ALK: variants seen among roughly 807,000 people sequenced by gnomAD.
ALK encodes the protein ALK receptor tyrosine kinase.
In ALK, 74 loss-of-function variants were observed where a neutral mutation model predicts 163.1. The ratio of observed to expected loss-of-function variants is 0.45; its 90% CI spans 0.38 to 0.55. The LOEUF (loss-of-function observed/expected upper bound fraction) is 0.55. Among genes scored for constraint, ALK ranks in the 20% least tolerant of loss-of-function variants. The probability of loss-of-function intolerance (pLI) is 0.00; values close to 1 mark genes in which losing one functional copy is unlikely to be tolerated. For missense variants in ALK, 2,063 were observed against 2,105.3 expected (o/e 0.98, Z 0.39); for synonymous variants, 960 against 843.2 (o/e 1.14, Z -2.40).
At chr2:29,903,455 C>T (rs1423431113) in intron 1 of ALK, among the ~76,000 whole-genome samples, 1 of 152,134 alleles carries the variant, frequency 6.6e-6, no homozygotes, top group Non-Finnish European at 1.5e-5. Context: ...ATGAGTCAAA[C>T]ACTCCCTTGT....
chr2:29,489,751 G>C (rs1427533841), intron 4 of ALK, among the ~76,000 whole-genome samples: 4 of 152,240 alleles, frequency 2.6e-5, no homozygotes, highest in African/African-American at 7.2e-5. Context: ...CTATTCTAGG[G>C]ATGAAGAGCT....
At chr2:29,338,240 C>A (rs1667683941) in intron 5 of ALK, among the ~76,000 whole-genome samples, 1 of 152,136 alleles carries the variant, frequency 6.6e-6, no homozygotes, top group African/African-American at 2.4e-5. Flanking sequence ...AGAGTCATTT[C>A]CAACATAAAT....
intron 3 of ALK, among the ~76,000 whole-genome samples, chr2:29,581,634 C>T (rs559255979): frequency 4.6e-5 from 7 of 152,244 alleles, no homozygotes; most frequent in South Asian, 2.1e-4. Flanking sequence ...CTGTATTGCC[C>T]GTCTTGGCTA....
intron 3 of ALK, among the ~76,000 whole-genome samples, chr2:29,560,461 C>T (rs766693544): frequency 2.6e-5 from 4 of 152,150 alleles, no homozygotes; most frequent in Non-Finnish European, 4.4e-5. Context: ...GAGCCGAAGG[C>T]CTTTTTTTGG....
At chr2:29,589,461 TAC>T (rs1185321330) in intron 3 of ALK, among the ~76,000 whole-genome samples, 1 of 152,154 alleles carries the variant, frequency 6.6e-6, no homozygotes, top group Non-Finnish European at 1.5e-5. Flanking sequence ...CCTGAGTTTG[TAC>T]AGTGATGAAA....
intron 5 of ALK, among the ~76,000 whole-genome samples, chr2:29,371,342 T>C (rs796784964): frequency 5.9e-5 from 9 of 152,398 alleles, no homozygotes; most frequent in African/African-American, 1.9e-4. Flanking sequence ...ACTCCTAGGC[T>C]ATGCCCCTCG....
chr2:29,823,912 G>A (rs1192958331), intron 1 of ALK, among the ~76,000 whole-genome samples: 1 of 152,226 alleles, frequency 6.6e-6, no homozygotes, highest in Non-Finnish European at 1.5e-5. Flanking sequence ...TGGGGAAAAT[G>A]TCTCCAGGGC....
chr2:29,530,287 C>T (rs1673088320), intron 4 of ALK, among the ~76,000 whole-genome samples: 3 of 152,102 alleles, frequency 2.0e-5, no homozygotes, highest in Non-Finnish European at 4.4e-5. Flanking sequence ...TTTGCAAGGC[C>T]CTATGGCCAG....
chr2:29,222,966 G>C (rs2148170015), intron 20 of ALK, among the ~76,000 whole-genome samples: 1 of 152,310 alleles, frequency 6.6e-6, no homozygotes, highest in Middle Eastern at 3.4e-3. Flanking sequence ...ATCACTGTGG[G>C]TACTGGCTGG....
intron 4 of ALK, among the ~76,000 whole-genome samples, chr2:29,516,761 G>A (rs1008336953): frequency 2.0e-5 from 3 of 152,236 alleles, no homozygotes; most frequent in African/African-American, 4.8e-5. Flanking sequence ...AATGGGTAAA[G>A]ATAGGTAAAG....
chr2:29,335,914 C>T (rs1667598771), intron 5 of ALK, among the ~76,000 whole-genome samples: 1 of 152,030 alleles, frequency 6.6e-6, no homozygotes, highest in Non-Finnish European at 1.5e-5. Flanking sequence ...GTCATGGACA[C>T]CTGTAATCAC....
chr2:29,491,290 C>T (rs55679620), intron 4 of ALK, among the ~76,000 whole-genome samples: 3 of 151,960 alleles, frequency 2.0e-5, no homozygotes, highest in African/African-American at 7.3e-5. Context: ...CGTGGCTGAT[C>T]CATTAGTGCC....
intron 1 of ALK, among the ~76,000 whole-genome samples, chr2:29,868,350 G>C (rs1666493225): frequency 1.3e-5 from 2 of 152,202 alleles, no homozygotes; most frequent in Non-Finnish European, 2.9e-5. Flanking sequence ...TCCATGAACA[G>C]AACAGACAAA....
At chr2:29,658,289 C>G (rs1677247748) in intron 3 of ALK, among the ~76,000 whole-genome samples, 1 of 152,178 alleles carries the variant, frequency 6.6e-6, no homozygotes, top group African/African-American at 2.4e-5. Context: ...GGCCTCCTCT[C>G]TCACTGATCA....
chr2:29,825,329 T>C (rs1389887793), intron 1 of ALK, among the ~76,000 whole-genome samples: 1 of 152,244 alleles, frequency 6.6e-6, no homozygotes, highest in Admixed American at 6.5e-5. Flanking sequence ...GCCTATTGTG[T>C]GGTCAGATTC....
rs529071640 is a variant in ALK at position 29,818,229 on chromosome 2, C to T, written c.668-100532G>A. ...TATACAAACACCTGCATGGATGTCA[C>T]TGCTGTTTTCTCTCTCTCGAAGAGA... On this transcript the variant is annotated intron_variant, in intron 1 of 28. Coordinates refer to ENST00000389048, the MANE Select transcript of ALK (RefSeq NM_004304.5). Among the ~76,000 whole-genome samples the T allele has an allele frequency of 3.9e-5, 6 of 152,308 alleles. No individual in the cohort carries two copies. The East Asian group carries it at 9.7e-4, about 25-fold the overall frequency.
intron 4 of ALK, among the ~76,000 whole-genome samples, chr2:29,493,257 C>A (rs1168886295): frequency 2.0e-5 from 3 of 152,208 alleles, no homozygotes; most frequent in African/African-American, 7.2e-5. Context: ...TTTCAAATGG[C>A]TCCACCTGGG....
Position 29,920,957 on chromosome 2 carries a change from T to G in ALK, c.-298A>C, listed in dbSNP as rs549866364. On this transcript the variant is annotated 5_prime_UTR_variant, in exon 1 of 29. Coordinates refer to ENST00000389048, the MANE Select transcript of ALK (RefSeq NM_004304.5). ...CTCCGCGCCGAGTGCCGCGCCCCCGTCTGTAGCTCGCTGCGCTCGGTACAG... is the reference window on the plus strand; with the variant it reads ...CTCCGCGCCGAGTGCCGCGCCCCCGGCTGTAGCTCGCTGCGCTCGGTACAG... 17 of 488,968 alleles carry G rather than the reference T, an allele frequency of 3.5e-5. No individual in the cohort carries two copies. Among genetic ancestry groups the G allele is most frequent in the African/African-American group, 3.3e-4 (17 of 51,746 alleles). The allele number at this position is 488,968 out of a possible 1,614,324, so 30.3% of individuals were successfully genotyped here. A position where few individuals can be genotyped will look rare whatever the true frequency, so the allele number is the denominator to read the frequency against.
At chr2:29,237,646 A>T (rs1664419269) in intron 13 of ALK, among the ~76,000 whole-genome samples, 1 of 152,186 alleles carries the variant, frequency 6.6e-6, no homozygotes, top group Admixed American at 6.5e-5. Flanking sequence ...TAGGTACTCA[A>T]TAAATATTGG....
Sources: gnomAD v4.1 joint callset for allele counts (sites outside exome capture counted in the v4.1 genomes callset) on GRCh38, gnomAD v4.1.1 for gene constraint, MANE v1.5 for transcripts, NCBI Gene and HGNC (gene_info 2026-07-23, HGNC 2026-07-21) for gene names.